The following RNF13 variants were observed in gnomAD, a reference collection of about 807,000 sequenced individuals.
RNF13 encodes the protein E3 ubiquitin-protein ligase RNF13.
A neutral mutation model predicts 37.7 loss-of-function variants in RNF13; 19 were observed. That is an observed-to-expected ratio of 0.50 (90% CI 0.35 to 0.74). RNF13 has a LOEUF of 0.74. RNF13 is among the 30% of genes least tolerant of loss of function. RNF13 has a pLI of 0.01. For synonymous variants in RNF13, 144 were observed against 157.8 expected, an observed-to-expected ratio of 0.91 and a Z score of 0.65; for missense variants, 375 against 453.0, an observed-to-expected ratio of 0.83 and a Z score of 1.56.
rs2108507749 is a variant in RNF13 at position 149,905,343 on chromosome 3, T to C, written c.500+3181T>C. Among the ~76,000 whole-genome samples the C allele has an allele frequency of 1.3e-5, 2 of 152,332 alleles. 1 individual carries two copies. The highest frequency in any genetic ancestry group is 3.9e-4 in the East Asian group (2 of 5,192). On this transcript the variant is annotated intron_variant, in intron 6 of 9. Coordinates refer to ENST00000392894, the MANE Select transcript of RNF13 (RefSeq NM_183381.3). The stretch of plus-strand genomic sequence containing the variant: ...GTATTTCTCTTATTACAAGCACATT[T>C]AAGCATTTTTTTCTTATGCTTAAGC...
chr3:149,834,157 CTT>C (rs887279402), intron 1 of RNF13, among the ~76,000 whole-genome samples: 73 of 152,258 alleles, frequency 4.8e-4, no homozygotes, highest in African/African-American at 1.8e-3. Flanking sequence ...GATTGATAGA[CTT>C]AATACTGTTA....
At chr3:149,939,548 G>A (rs1720046257) in intron 8 of RNF13, 3 of 590,540 alleles carry the variant, frequency 5.1e-6, no homozygotes, top group East Asian at 4.1e-5. Flanking sequence ...ACCATTGGCT[G>A]TACAGACATT....
intron 4 of RNF13, among the ~76,000 whole-genome samples, chr3:149,882,141 T>C (rs1713492249): frequency 6.6e-6 from 1 of 152,254 alleles, no homozygotes; most frequent in South Asian, 2.1e-4. Flanking sequence ...AACTATAGTC[T>C]GTTGAAGCAT....
chr3:149,901,986 A>G, intron 5 of RNF13, 86 bp from the exon 6 acceptor site: 1 of 527,184 alleles, frequency 1.9e-6, no homozygotes, highest in South Asian at 3.9e-5. Context: ...AATTGTTTCC[A>G]GTTGCATTTG....
At position 149,813,284 on chromosome 3, in the gene RNF13, C is replaced by A. The variant is rs994619382; in HGVS notation, c.-86C>A. 1.3e-5 allele frequency: 2 copies of A among 152,272 alleles called. No homozygotes were observed. Among genetic ancestry groups the A allele is most frequent in the African/African-American group, 4.8e-5 (2 of 41,450 alleles). 9.4% of individuals were successfully genotyped at this position (152,272 alleles called of 1,614,324 possible). On this transcript the variant is annotated 5_prime_UTR_variant, in exon 1 of 10. It introduces an in-frame stop codon into an upstream open reading frame of the 5' UTR. Transcript: ENST00000392894. ...CGGTGCGGATATTCAGTCATGAAAT[C>A]AGGGTAGGGACTTCTCCCGCAGCGA...
At chr3:149,871,727 G>A (rs2108441352) in intron 3 of RNF13, among the ~76,000 whole-genome samples, 1 of 152,136 alleles carries the variant, frequency 6.6e-6, no homozygotes, top group South Asian at 2.1e-4. Flanking sequence ...GTTTGAAAAT[G>A]TCAAATATTG....
chr3:149,871,959 T>C, intron 3 of RNF13, 70 bp from the exon 4 acceptor site: 1 of 1,338,546 alleles, frequency 7.5e-7, no homozygotes, highest in East Asian at 2.4e-5. Context: ...ATCGAAAAGA[T>C]ATTTGTAGAA....
At chr3:149,871,645 A>G (rs1712071870) in intron 3 of RNF13, among the ~76,000 whole-genome samples, 1 of 151,836 alleles carries the variant, frequency 6.6e-6, no homozygotes, top group Admixed American at 6.6e-5. Context: ...AATTTCTAGA[A>G]ATTTATTTAT....
At chr3:149,878,463 G>A (rs1713006153) in intron 4 of RNF13, among the ~76,000 whole-genome samples, 2 of 152,146 alleles carry the variant, frequency 1.3e-5, no homozygotes, top group Non-Finnish European at 2.9e-5. Context: ...GTGCAGGAAA[G>A]AACAATGTTG....
At chr3:149,819,100 G>A (rs1719770248) in intron 1 of RNF13, among the ~76,000 whole-genome samples, 1 of 152,170 alleles carries the variant, frequency 6.6e-6, no homozygotes, top group African/African-American at 2.4e-5. Flanking sequence ...TTCCTCACCT[G>A]TAAATGAAGT....
At chr3:149,837,118 A>AT (rs1306803473) in intron 1 of RNF13, among the ~76,000 whole-genome samples, 1 of 152,222 alleles carries the variant, frequency 6.6e-6, no homozygotes, top group African/African-American at 2.4e-5. Flanking sequence ...ATACTTTAAA[A>AT]TTTTTTATAT....
intron 1 of RNF13, among the ~76,000 whole-genome samples, chr3:149,829,293 T>C (rs1720809629): frequency 6.6e-6 from 1 of 151,760 alleles, no homozygotes; most frequent in Admixed American, 6.6e-5. Context: ...AGAGACAGAG[T>C]TTTATCATGT....
chr3:149,880,345 TAGATC>T (rs1348972559), intron 4 of RNF13, among the ~76,000 whole-genome samples: 2 of 152,274 alleles, frequency 1.3e-5, no homozygotes, highest in East Asian at 3.9e-4. Flanking sequence ...AATATGAACT[TAGATC>T]AGATCCTTTA....
intron 8 of RNF13, among the ~76,000 whole-genome samples, chr3:149,936,068 AT>A (rs1269719006): frequency 2.6e-5 from 4 of 150,946 alleles, no homozygotes; most frequent in Non-Finnish European, 5.9e-5. Flanking sequence ...ATCCCACTCC[AT>A]TCAGGCATGT....
At chr3:149,858,398 C>G (rs559057223) in intron 3 of RNF13, among the ~76,000 whole-genome samples, 2 of 152,292 alleles carry the variant, frequency 1.3e-5, no homozygotes, top group East Asian at 3.9e-4. Flanking sequence ...GGAGAACAAG[C>G]TTCTCCAGAT....
chr3:149,860,930 A>G (rs2108414161), intron 3 of RNF13, among the ~76,000 whole-genome samples: 1 of 152,252 alleles, frequency 6.6e-6, no homozygotes, highest in Non-Finnish European at 1.5e-5. Flanking sequence ...AGACAGTCTG[A>G]TTTAAAAAAG....
At chr3:149,817,977 T>G (rs1425378788) in intron 1 of RNF13, among the ~76,000 whole-genome samples, 1 of 152,212 alleles carries the variant, frequency 6.6e-6, no homozygotes, top group Non-Finnish European at 1.5e-5. Context: ...TTTCTAGGGT[T>G]TGGTACAATT....
At chr3:149,862,603 C>T (rs1724372738) in intron 3 of RNF13, among the ~76,000 whole-genome samples, 1 of 152,074 alleles carries the variant, frequency 6.6e-6, no homozygotes. Flanking sequence ...TTTGTTATTA[C>T]ATATTCCTAA....
At chr3:149,912,336 G>A (rs776272522) in intron 7 of RNF13, among the ~76,000 whole-genome samples, 19 of 152,118 alleles carry the variant, frequency 1.2e-4, no homozygotes, top group Non-Finnish European at 2.4e-4. Context: ...TTTGGGGGAT[G>A]ACAGTCGTGT....
Sources: gnomAD v4.1 joint callset for allele counts (sites outside exome capture counted in the v4.1 genomes callset) on GRCh38, gnomAD v4.1.1 for gene constraint, MANE v1.5 for transcripts, NCBI Gene and HGNC (gene_info 2026-07-23, HGNC 2026-07-21) for gene names.